Variants in ARHGAP10 observed in about 807,000 individuals in gnomAD.
The protein encoded by ARHGAP10 is rho GTPase-activating protein 10.
A neutral mutation model predicts 108.6 loss-of-function variants in ARHGAP10; 87 were observed. That is an observed-to-expected ratio of 0.80 (90% CI 0.67 to 0.96). The LOEUF is 0.96. ARHGAP10 is among the 40% of genes least tolerant of loss of function. The pLI, the probability that ARHGAP10 is intolerant of heterozygous loss-of-function variation, is 0.00. For missense variants in ARHGAP10, 939 were observed against 954.5 expected (o/e 0.98, Z 0.21); for synonymous variants, 347 against 341.1 (o/e 1.02, Z -0.19).
At chr4:147,838,476 A>AG in intron 3 of ARHGAP10, among the ~76,000 whole-genome samples, 1 of 150,334 alleles carries the variant, frequency 6.7e-6, no homozygotes, top group Admixed American at 6.6e-5. Context: ...TGTCTCTTAA[A>AG]AAAAAAACAC....
At chr4:147,857,433 C>T in intron 4 of ARHGAP10, 120 bp from the exon 5 acceptor site, 1 of 982,572 alleles carries the variant, frequency 1.0e-6, no homozygotes, top group Non-Finnish European at 1.4e-6. Context: ...ATAGCTTTAT[C>T]ACATTCAGAG....
chr4:147,991,242 C>T (rs1469609638), intron 18 of ARHGAP10, among the ~76,000 whole-genome samples: 3 of 151,934 alleles, frequency 2.0e-5, no homozygotes, highest in African/African-American at 4.8e-5. Flanking sequence ...CTTAGGGCCA[C>T]GTCTTTGTCT....
chr4:147,844,068 T>C (rs1157792139), intron 3 of ARHGAP10, among the ~76,000 whole-genome samples: 1 of 152,234 alleles, frequency 6.6e-6, no homozygotes, highest in Non-Finnish European at 1.5e-5. Flanking sequence ...TACTAAGATC[T>C]TGGGCGTTTC....
intron 1 of ARHGAP10, among the ~76,000 whole-genome samples, chr4:147,759,414 A>C (rs1159981523): frequency 6.6e-6 from 1 of 152,186 alleles, no homozygotes; most frequent in Non-Finnish European, 1.5e-5. Flanking sequence ...CCCATTAAAA[A>C]ATTAAAAAAC....
At chr4:147,922,908 T>A (rs1177199823) in intron 13 of ARHGAP10, among the ~76,000 whole-genome samples, 1 of 152,194 alleles carries the variant, frequency 6.6e-6, no homozygotes, top group Non-Finnish European at 1.5e-5. Context: ...GTTTACTTTG[T>A]TTCTGGAACT....
At chr4:148,029,214 G>A (rs917353228) in intron 19 of ARHGAP10, among the ~76,000 whole-genome samples, 1 of 152,120 alleles carries the variant, frequency 6.6e-6, no homozygotes, top group Non-Finnish European at 1.5e-5. Flanking sequence ...TATGAGCAAA[G>A]TACAGCTCAT....
chr4:147,803,474 G>C (rs1731660595), intron 1 of ARHGAP10, among the ~76,000 whole-genome samples: 1 of 152,162 alleles, frequency 6.6e-6, no homozygotes, highest in South Asian at 2.1e-4. Flanking sequence ...ATCTTTTCTT[G>C]TTATTTTGAA....
At chr4:148,018,414 C>T (rs1000806738) in intron 18 of ARHGAP10, among the ~76,000 whole-genome samples, 7 of 152,048 alleles carry the variant, frequency 4.6e-5, no homozygotes, top group Non-Finnish European at 1.0e-4. Context: ...ACAAGATAAG[C>T]TACATTTTAT....
At chr4:147,907,903 C>T (rs575864582) in intron 11 of ARHGAP10, among the ~76,000 whole-genome samples, 3 of 152,208 alleles carry the variant, frequency 2.0e-5, no homozygotes, top group Non-Finnish European at 2.9e-5. Context: ...AGTGCAGTGG[C>T]GTGACCTTGG....
At chr4:147,936,929 C>G (rs1178868106) in intron 13 of ARHGAP10, among the ~76,000 whole-genome samples, 1 of 152,192 alleles carries the variant, frequency 6.6e-6, no homozygotes, top group African/African-American at 2.4e-5. Flanking sequence ...GCTCCGCCTC[C>G]TGTCAGATCA....
At chr4:147,962,181 G>A (rs558430391) in intron 16 of ARHGAP10, among the ~76,000 whole-genome samples, 11 of 152,310 alleles carry the variant, frequency 7.2e-5, no homozygotes, top group Non-Finnish European at 1.2e-4. Context: ...TCTGTCTGTT[G>A]GTGGAATTGG....
chr4:147,966,846 T>C lies in ARHGAP10; in HGVS notation c.1716+7T>C. 6.6e-7 allele frequency: 1 copy of C among 1,520,182 alleles called. No homozygotes were observed. The highest frequency in any genetic ancestry group is 1.3e-5 in the South Asian group (1 of 77,594). The allele number at this position is 1,520,182 out of a possible 1,614,324, so 94.2% of individuals were successfully genotyped here. ...AATTGAAAACCATGAAAAGGTAAAA[T>C]TTTTTTTTTCTTTAAGAGACTTTGT... On this transcript the variant is annotated splice_region_variant and intron_variant, in intron 18 of 22. Coordinates refer to ENST00000336498, the MANE Select transcript of ARHGAP10 (RefSeq NM_024605.4).
In ARHGAP10 at chr4:148,013,505, G is replaced by A. The variant is rs180953363; in HGVS notation, c.1717-9758G>A. Among the ~76,000 whole-genome samples the A allele has an allele frequency of 1.0e-3, 153 of 152,226 alleles. No individual in the cohort carries two copies. The East Asian group carries it at 0.027, about 27-fold the overall frequency. ...AGATCGAGACCATCCTGGCTAACAC[G>A]GTGAAATGCTGTCTCTACTAAAAAT... On this transcript the variant is annotated intron_variant, in intron 18 of 22. Transcript: ENST00000336498.
At chr4:147,820,369 T>G (rs1404220008) in intron 1 of ARHGAP10, among the ~76,000 whole-genome samples, 1 of 152,166 alleles carries the variant, frequency 6.6e-6, no homozygotes, top group Non-Finnish European at 1.5e-5. Flanking sequence ...CACTGCAACC[T>G]TCGCCTCCTG....
intron 18 of ARHGAP10, among the ~76,000 whole-genome samples, chr4:147,999,305 T>C (rs1378889874): frequency 6.6e-6 from 1 of 152,228 alleles, no homozygotes; most frequent in African/African-American, 2.4e-5. Context: ...ACCCAGGCAT[T>C]TGAGCCATCA....
chr4:147,880,200 A>G (rs1735269584), intron 9 of ARHGAP10, among the ~76,000 whole-genome samples: 1 of 152,236 alleles, frequency 6.6e-6, no homozygotes. Context: ...TGTTGAACAT[A>G]ATTGATAACA....
At chr4:148,018,046 T>G (rs1741416963) in intron 18 of ARHGAP10, among the ~76,000 whole-genome samples, 1 of 152,120 alleles carries the variant, frequency 6.6e-6, no homozygotes, top group Non-Finnish European at 1.5e-5. Flanking sequence ...GAGACCCGAG[T>G]AAGCAAGCAC....
At chr4:147,819,428 G>A (rs1414611892) in intron 1 of ARHGAP10, among the ~76,000 whole-genome samples, 1 of 151,988 alleles carries the variant, frequency 6.6e-6, no homozygotes, top group Non-Finnish European at 1.5e-5. Context: ...AGAATAATGT[G>A]TATGTGACTA....
rs1741649580 is a variant in ARHGAP10 at position 148,023,422 on chromosome 4, T to C, written c.1867+9T>C. 4 of 1,608,792 alleles carry C rather than the reference T, an allele frequency of 2.5e-6. No individual in the cohort carries two copies. Among genetic ancestry groups the C allele is most frequent in the East Asian group, 2.2e-5 (1 of 44,724 alleles). ...TCTGGAGCTGGAAGATGGTAAGATG[T>C]TAATGATATTTTTTGCTTGATAGCA... On this transcript the variant is annotated intron_variant, in intron 19 of 22. Transcript: ENST00000336498.
Sources: gnomAD v4.1 joint callset for allele counts (sites outside exome capture counted in the v4.1 genomes callset) on GRCh38, gnomAD v4.1.1 for gene constraint, MANE v1.5 for transcripts, NCBI Gene and HGNC (gene_info 2026-07-23, HGNC 2026-07-21) for gene names.